The following SGCZ variants were observed in gnomAD, a reference collection of about 807,000 sequenced individuals.
SGCZ encodes zeta-sarcoglycan.
In SGCZ, 40 loss-of-function variants were observed where a neutral mutation model predicts 41.3. The ratio of observed to expected loss-of-function variants is 0.97; its 90% CI spans 0.75 to 1.26. The LOEUF is 1.26. Ranked by LOEUF, SGCZ falls within the 50% of genes most tolerant of loss-of-function variation. The probability of loss-of-function intolerance (pLI) is 0.00; values close to 1 mark genes in which losing one functional copy is unlikely to be tolerated. For missense variants in SGCZ, 552 were observed against 369.8 expected, an observed-to-expected ratio of 1.49 and a Z score of -4.04; for synonymous variants, 206 against 137.5, an observed-to-expected ratio of 1.50 and a Z score of -3.49.
intron 1 of SGCZ, among the ~76,000 whole-genome samples, chr8:14,638,238 A>G (rs113829350): frequency 0.01 from 1,522 of 151,914 alleles, 21 homozygotes; most frequent in African/African-American, 0.034. Flanking sequence ...TGATTTTGCT[A>G]CATCAAGTTT....
chr8:14,767,288 A>G (rs1172479915), intron 1 of SGCZ, among the ~76,000 whole-genome samples: 7 of 152,138 alleles, frequency 4.6e-5, no homozygotes. Context: ...AGGTGACTGA[A>G]TCACAGGAGA....
At chr8:14,750,115 TA>T (rs1799453052) in intron 1 of SGCZ, among the ~76,000 whole-genome samples, 1 of 152,158 alleles carries the variant, frequency 6.6e-6, no homozygotes, top group South Asian at 2.1e-4. Flanking sequence ...GTGTCTATTT[TA>T]GTAAGTGGTT....
intron 1 of SGCZ, among the ~76,000 whole-genome samples, chr8:14,620,783 G>A (rs1185925536): frequency 6.6e-6 from 1 of 152,108 alleles, no homozygotes; most frequent in Non-Finnish European, 1.5e-5. Context: ...AAAAAGTCAG[G>A]AAACAACAGG....
At chr8:14,938,271 A>G (rs1800149743) in intron 1 of SGCZ, among the ~76,000 whole-genome samples, 1 of 152,160 alleles carries the variant, frequency 6.6e-6, no homozygotes, top group African/African-American at 2.4e-5. Flanking sequence ...TCAAAAATAA[A>G]TATGCAGTTG....
intron 1 of SGCZ, among the ~76,000 whole-genome samples, chr8:15,075,944 A>AT (rs527612931): frequency 2.6e-5 from 4 of 152,088 alleles, no homozygotes; most frequent in African/African-American, 9.7e-5. Flanking sequence ...AAAAAAAAAA[A>AT]CATTTTATGG....
At chr8:14,350,864 AT>A (rs1803066338) in intron 2 of SGCZ, among the ~76,000 whole-genome samples, 1 of 152,136 alleles carries the variant, frequency 6.6e-6, no homozygotes, top group Non-Finnish European at 1.5e-5. Flanking sequence ...GTTTAAACAT[AT>A]TTTGCTGAAA....
intron 2 of SGCZ, among the ~76,000 whole-genome samples, chr8:14,535,464 G>T (rs975188969): frequency 6.6e-5 from 10 of 151,860 alleles, no homozygotes; most frequent in Middle Eastern, 3.4e-3. Context: ...CACTCGATTA[G>T]CAATGACAAT....
intron 2 of SGCZ, among the ~76,000 whole-genome samples, chr8:14,428,101 T>TACACAC (rs200114899): frequency 7.2e-5 from 9 of 124,428 alleles, no homozygotes; most frequent in Admixed American, 7.2e-4. Context: ...TGGTTGTATA[T>TACACAC]ACACACACAC....
chr8:15,217,574 G>GC (rs951760261), intron 1 of SGCZ, among the ~76,000 whole-genome samples: 9 of 150,698 alleles, frequency 6.0e-5, no homozygotes, highest in African/African-American at 1.7e-4. Flanking sequence ...CAAGATTCTT[G>GC]CCCCCCCTTG....
chr8:15,123,465 G>C (rs943376027), intron 1 of SGCZ, among the ~76,000 whole-genome samples: 1 of 152,122 alleles, frequency 6.6e-6, no homozygotes, highest in Non-Finnish European at 1.5e-5. Context: ...TAGAATCCTA[G>C]ACTATTAGAC....
intron 1 of SGCZ, among the ~76,000 whole-genome samples, chr8:14,589,344 T>TG (rs1805167284): frequency 3.4e-5 from 1 of 29,030 alleles, no homozygotes; most frequent in African/African-American, 9.6e-5. Flanking sequence ...AGACTCCATC[T>TG]CAAAAAAAAA....
chr8:14,151,091 T>G (rs544425946), intron 5 of SGCZ, among the ~76,000 whole-genome samples: 17 of 152,062 alleles, frequency 1.1e-4, no homozygotes, highest in South Asian at 2.1e-4. Flanking sequence ...TAAGAAAAAA[T>G]GAATAAGACC....
intron 5 of SGCZ, among the ~76,000 whole-genome samples, chr8:14,121,771 G>A (rs1332959850): frequency 1.3e-5 from 2 of 152,126 alleles, no homozygotes; most frequent in Non-Finnish European, 2.9e-5. Context: ...TGTCTCACTA[G>A]CAAGATGACG....
intron 5 of SGCZ, among the ~76,000 whole-genome samples, chr8:14,125,786 A>G (rs1035509235): frequency 6.6e-6 from 1 of 152,148 alleles, no homozygotes; most frequent in Admixed American, 6.5e-5. Flanking sequence ...ATATAGACCA[A>G]TGGAACACAA....
intron 1 of SGCZ, among the ~76,000 whole-genome samples, chr8:14,992,290 A>G (rs1178645364): frequency 2.8e-5 from 4 of 144,788 alleles, no homozygotes; most frequent in Non-Finnish European, 6.0e-5. Context: ...ATTCAACTCC[A>G]AAACTAATGT....
intron 1 of SGCZ, among the ~76,000 whole-genome samples, chr8:14,724,713 T>G (rs1227048992): frequency 6.6e-6 from 1 of 151,560 alleles, no homozygotes; most frequent in East Asian, 1.9e-4. Context: ...ATATTTATTT[T>G]TATGAATACA....
chr8:15,132,696 C>T (rs751903189), intron 1 of SGCZ, among the ~76,000 whole-genome samples: 6 of 152,088 alleles, frequency 3.9e-5, no homozygotes, highest in Non-Finnish European at 5.9e-5. Flanking sequence ...ATTTTGAAAG[C>T]CAGTTGCTAC....
intron 1 of SGCZ, among the ~76,000 whole-genome samples, chr8:15,157,430 A>G (rs1015370629): frequency 6.6e-6 from 1 of 152,080 alleles, no homozygotes; most frequent in Non-Finnish European, 1.5e-5. Flanking sequence ...AGGGGGAAAA[A>G]AAAAAAGTAG....
At chr8:14,865,556 G>C (rs1314699603) in intron 1 of SGCZ, among the ~76,000 whole-genome samples, 1 of 152,070 alleles carries the variant, frequency 6.6e-6, no homozygotes. Context: ...TTGGAATGCA[G>C]GTATAAGCAT....
Sources: gnomAD v4.1 joint callset for allele counts (sites outside exome capture counted in the v4.1 genomes callset) on GRCh38, gnomAD v4.1.1 for gene constraint, MANE v1.5 for transcripts, NCBI Gene and HGNC (gene_info 2026-07-23, HGNC 2026-07-21) for gene names.